The following ADGRL2 variants were observed in gnomAD, a reference collection of about 807,000 sequenced individuals.
The protein encoded by ADGRL2 is adhesion G protein-coupled receptor L2.
A neutral mutation model predicts 157.4 loss-of-function variants in ADGRL2; 44 were observed. The observed-to-expected ratio is 0.28, with a 90% CI of 0.22 to 0.36. ADGRL2 has a LOEUF of 0.36. Among genes scored for constraint, ADGRL2 ranks in the 10% least tolerant of loss-of-function variants. The pLI is 1.00. For synonymous variants in ADGRL2, 585 were observed against 624.7 expected, an observed-to-expected ratio of 0.94 and a Z score of 0.95; for missense variants, 1,510 against 1,768.9, an observed-to-expected ratio of 0.85 and a Z score of 2.63.
intron 23 of ADGRL2, 116 bp from the exon 24 acceptor site, chr1:81,990,275 T>C: frequency 1.3e-6 from 2 of 1,505,246 alleles, no homozygotes; most frequent in Non-Finnish European, 1.8e-6. Flanking sequence ...TTTCAAGTGT[T>C]AGCTTTCAAA....
chr1:81,815,907 G>A (rs1413093011), intron 1 of ADGRL2, among the ~76,000 whole-genome samples: 1 of 151,698 alleles, frequency 6.6e-6, no homozygotes, highest in African/African-American at 2.4e-5. Context: ...CGAAGCATAA[G>A]TATCTTAGAA....
chr1:81,922,647 A>G (rs936293742), intron 3 of ADGRL2, among the ~76,000 whole-genome samples: 3 of 152,152 alleles, frequency 2.0e-5, no homozygotes, highest in Non-Finnish European at 2.9e-5. Flanking sequence ...AATTACAGGT[A>G]TTTCTACACT....
At chr1:81,610,682 T>G (rs2081523753) in intron 3 of ADGRL2, among the ~76,000 whole-genome samples, 1 of 152,044 alleles carries the variant, frequency 6.6e-6, no homozygotes, top group Admixed American at 6.6e-5. Flanking sequence ...TTAGGAAGCT[T>G]TTGTGGTCCA....
chr1:81,740,460 T>G (rs904779726), intron 1 of ADGRL2, among the ~76,000 whole-genome samples: 3 of 152,188 alleles, frequency 2.0e-5, no homozygotes, highest in African/African-American at 7.2e-5. Context: ...TTTTTTTACT[T>G]TTTGTTATTT....
chr1:81,389,320 C>T (rs2076493784), intron 1 of ADGRL2, among the ~76,000 whole-genome samples: 1 of 151,594 alleles, frequency 6.6e-6, no homozygotes, highest in South Asian at 2.1e-4. Context: ...GAGTCATATC[C>T]AAAACAAGTA....
At chr1:81,336,613 C>A (rs897857403) in intron 1 of ADGRL2, among the ~76,000 whole-genome samples, 1 of 152,086 alleles carries the variant, frequency 6.6e-6, no homozygotes, top group African/African-American at 2.4e-5. Flanking sequence ...CTAGTTGATA[C>A]CATAATCCAA....
At chr1:81,604,334 GAGC>G (rs2081390745) in intron 3 of ADGRL2, among the ~76,000 whole-genome samples, 1 of 152,124 alleles carries the variant, frequency 6.6e-6, no homozygotes, top group African/African-American at 2.4e-5. Context: ...AGGAGGCCTG[GAGC>G]TCCTCATCCT....
At chr1:81,761,448 T>A (rs2085878258) in intron 1 of ADGRL2, among the ~76,000 whole-genome samples, 1 of 151,970 alleles carries the variant, frequency 6.6e-6, no homozygotes, top group African/African-American at 2.4e-5. Context: ...AAAACCATAT[T>A]TTCCCTTAAA....
At chr1:81,890,147 A>G (rs2094223443) in intron 2 of ADGRL2, among the ~76,000 whole-genome samples, 3 of 152,136 alleles carry the variant, frequency 2.0e-5, no homozygotes, top group African/African-American at 4.8e-5. Flanking sequence ...CTTCTGTTAG[A>G]GGAGGCTTTA....
rs566814064 is a variant in ADGRL2 at position 81,839,748 on chromosome 1, T to C, written c.73+2691T>C. On this transcript the variant is annotated intron_variant, in intron 2 of 23. Coordinates refer to ENST00000686636, the MANE Select transcript of ADGRL2 (RefSeq NM_001366006.2). ...TGGCTGAGTAGTATTCCATCATATA[T>C]ATATATGTATTTTTTTCATCATATA... Among the ~76,000 whole-genome samples, 187 of 148,612 alleles carry C rather than the reference T, an allele frequency of 1.3e-3. 7 individuals carry two copies. The South Asian group carries it at 0.036, about 28-fold the overall frequency.
intron 1 of ADGRL2, among the ~76,000 whole-genome samples, chr1:81,356,952 C>CAAA (rs757239865): frequency 1.3e-4 from 7 of 55,674 alleles, no homozygotes; most frequent in African/African-American, 5.1e-4. Context: ...GACTCCGTCT[C>CAAA]AAAAAAAAAA....
intron 2 of ADGRL2, among the ~76,000 whole-genome samples, chr1:81,472,924 G>A (rs2078200794): frequency 6.6e-6 from 1 of 152,148 alleles, no homozygotes; most frequent in Admixed American, 6.5e-5. Flanking sequence ...AATAAAAGGA[G>A]GGAAGGAGGA....
intron 2 of ADGRL2, among the ~76,000 whole-genome samples, chr1:81,899,164 A>G (rs3790915): frequency 0.024 from 3,623 of 152,300 alleles, 215 homozygotes; most frequent in East Asian, 0.22. Flanking sequence ...TTTTACAGAA[A>G]TGTTTTAAGG....
chr1:81,347,640 A>T (rs766894131), intron 1 of ADGRL2, among the ~76,000 whole-genome samples: 1 of 152,190 alleles, frequency 6.6e-6, no homozygotes, highest in Non-Finnish European at 1.5e-5. Flanking sequence ...AGGAATTGTT[A>T]ATCAAAAAGG....
At chr1:81,628,594 C>A (rs1253405771) in intron 3 of ADGRL2, among the ~76,000 whole-genome samples, 1 of 152,114 alleles carries the variant, frequency 6.6e-6, no homozygotes, top group African/African-American at 2.4e-5. Context: ...AAACCATGAG[C>A]AAGCCCTAAA....
Position 81,968,100 on chromosome 1 carries a change from C to T in ADGRL2, c.2424C>T (p.Thr808=). 3.1e-6 allele frequency: 5 copies of T among 1,613,756 alleles called. No individual in the cohort carries two copies. The highest frequency in any genetic ancestry group is 4.2e-6 in the Non-Finnish European group (5 of 1,179,780). ...SERTMMGYWS[T]QGCKLVDTNK... is the part of the protein sequence containing the mutation. The stretch of plus-strand genomic sequence containing the variant: ...GAACTATGATGGGATATTGGTCTAC[C>T]CAGGGCTGCAAGCTGGTTGACACTA... The change falls in exon 14 of 24, where the codon ACC becomes ACT. Residue 808 remains threonine, a synonymous_variant. Transcript: ENST00000686636.
intron 2 of ADGRL2, among the ~76,000 whole-genome samples, chr1:81,572,090 A>G (rs540615000): frequency 6.6e-6 from 1 of 152,376 alleles, no homozygotes; most frequent in Non-Finnish European, 1.5e-5. Flanking sequence ...ATTGACTTCA[A>G]ATAGACTGGC....
At chr1:81,917,678 C>T (rs1294416112) in intron 3 of ADGRL2, among the ~76,000 whole-genome samples, 6 of 152,176 alleles carry the variant, frequency 3.9e-5, no homozygotes, top group Non-Finnish European at 8.8e-5. Flanking sequence ...CACCTATCTA[C>T]ATTACTCATG....
At chr1:81,608,428 G>C (rs753210780) in intron 3 of ADGRL2, among the ~76,000 whole-genome samples, 7 of 152,124 alleles carry the variant, frequency 4.6e-5, no homozygotes, top group Non-Finnish European at 1.0e-4. Flanking sequence ...GTTATACTTT[G>C]CTAAAGTCTT....
Sources: gnomAD v4.1 joint callset for allele counts (sites outside exome capture counted in the v4.1 genomes callset) on GRCh38, gnomAD v4.1.1 for gene constraint, MANE v1.5 for transcripts, NCBI Gene and HGNC (gene_info 2026-07-23, HGNC 2026-07-21) for gene names.